Variants in TLN2 observed in about 807,000 individuals in gnomAD.
TLN2 encodes the protein talin-2.
A neutral mutation model predicts 294.7 loss-of-function variants in TLN2; 118 were observed. The observed-to-expected ratio is 0.40, with a 90% confidence interval of 0.34 to 0.47. The LOEUF is 0.47. Among genes scored for constraint, TLN2 ranks in the 20% least tolerant of loss-of-function variants. The pLI is 0.84. For missense variants in TLN2, 3,083 were observed against 3,282.2 expected, an observed-to-expected ratio of 0.94 and a Z score of 1.48; for synonymous variants, 1,431 against 1,304.5, an observed-to-expected ratio of 1.10 and a Z score of -2.09.
chr15:62,511,338 C>T (rs1237938578), intron 1 of TLN2, among the ~76,000 whole-genome samples: 1 of 152,210 alleles, frequency 6.6e-6, no homozygotes, highest in Non-Finnish European at 1.5e-5. Context: ...GAAAATTCAA[C>T]ACCTGTCCTC....
At chr15:62,535,557 T>A (rs1453920176) in intron 1 of TLN2, among the ~76,000 whole-genome samples, 1 of 55,862 alleles carries the variant, frequency 1.8e-5, no homozygotes, top group Non-Finnish European at 3.7e-5. Flanking sequence ...GATAACTTGA[T>A]TTTTTTTTTT....
chr15:62,651,137 G>C (rs2052538389), intron 5 of TLN2, among the ~76,000 whole-genome samples: 1 of 152,242 alleles, frequency 6.6e-6, no homozygotes, highest in Non-Finnish European at 1.5e-5. Context: ...AAAGATAATT[G>C]GAGACACACA....
chr15:62,456,871 G>C (rs754097637), intron 1 of TLN2, among the ~76,000 whole-genome samples: 6 of 152,154 alleles, frequency 3.9e-5, no homozygotes, highest in Non-Finnish European at 8.8e-5. Flanking sequence ...TGGCAGAAAA[G>C]GGGGGCGGTT....
chr15:62,518,123 C>A (rs2040274185), intron 1 of TLN2, among the ~76,000 whole-genome samples: 1 of 152,076 alleles, frequency 6.6e-6, no homozygotes. Flanking sequence ...ACTGCAACCT[C>A]CGCCTCCTGG....
At chr15:62,673,712 T>C (rs2055782444) in intron 9 of TLN2, 115 bp from the exon 10 acceptor site, 3 of 727,294 alleles carry the variant, frequency 4.1e-6, no homozygotes, top group East Asian at 2.6e-5. Flanking sequence ...TTAATTACTC[T>C]ATAAAATATT....
At chr15:62,693,259 G>C (rs1333661137) in intron 13 of TLN2, among the ~76,000 whole-genome samples, 1 of 152,182 alleles carries the variant, frequency 6.6e-6, no homozygotes, top group East Asian at 1.9e-4. Flanking sequence ...TTGAACCTGG[G>C]AGGCAGAGGT....
chr15:62,556,530 C>T (rs1238131301), intron 1 of TLN2, among the ~76,000 whole-genome samples: 2 of 151,816 alleles, frequency 1.3e-5, no homozygotes, highest in African/African-American at 4.8e-5. Context: ...CCAGGCTGGT[C>T]TCAAGAGATC....
chr15:62,470,208 T>C (rs1006211197), intron 1 of TLN2, among the ~76,000 whole-genome samples: 5 of 152,164 alleles, frequency 3.3e-5, no homozygotes, highest in Non-Finnish European at 5.9e-5. Context: ...ACACAGTCAG[T>C]GTTTCCAACC....
At chr15:62,812,882 A>T (rs965960920) in intron 52 of TLN2, among the ~76,000 whole-genome samples, 2 of 152,240 alleles carry the variant, frequency 1.3e-5, no homozygotes, top group Non-Finnish European at 2.9e-5. Flanking sequence ...TAGAAGGTCT[A>T]GGAACTTTCC....
chr15:62,553,865 C>A (rs1265421117), intron 1 of TLN2, among the ~76,000 whole-genome samples: 1 of 151,358 alleles, frequency 6.6e-6, no homozygotes, highest in Non-Finnish European at 1.5e-5. Flanking sequence ...TATAGTGATG[C>A]TTCTGTTTAA....
chr15:62,800,549 A>G, intron 49 of TLN2, 56 bp downstream of exon 49: 2 of 1,610,868 alleles, frequency 1.2e-6, no homozygotes, highest in South Asian at 2.2e-5. Flanking sequence ...CACTTAAAGG[A>G]AGGAGAGGCG....
intron 2 of TLN2, among the ~76,000 whole-genome samples, chr15:62,609,936 A>C (rs1326864658): frequency 6.6e-6 from 1 of 152,140 alleles, no homozygotes; most frequent in Non-Finnish European, 1.5e-5. Context: ...ATTGTTCTGG[A>C]TTTAGCCAGT....
chr15:62,793,583 C>CT (rs966772088), intron 46 of TLN2, among the ~76,000 whole-genome samples: 3 of 152,176 alleles, frequency 2.0e-5, no homozygotes, highest in African/African-American at 7.2e-5. Context: ...TTCCTCCAAA[C>CT]TTCTTTTTCC....
At chr15:62,617,125 A>G (rs933903099) in intron 2 of TLN2, among the ~76,000 whole-genome samples, 4 of 152,158 alleles carry the variant, frequency 2.6e-5, no homozygotes, top group African/African-American at 9.7e-5. Flanking sequence ...ACTGTCCGTT[A>G]AAAATCACAG....
At chr15:62,488,659 C>T (rs1043829724) in intron 1 of TLN2, among the ~76,000 whole-genome samples, 4 of 152,132 alleles carry the variant, frequency 2.6e-5, no homozygotes, top group Admixed American at 6.5e-5. Context: ...GAAACATAAA[C>T]GGAAAGCCTT....
rs747236046 is a variant in TLN2, at chr15:62,819,668, G to A, written c.6877+47G>A. The A allele has an allele frequency of 2.0e-6, 3 of 1,534,420 alleles. No homozygotes were observed. The South Asian group carries it at 3.4e-5, about 17-fold the overall frequency. ...TGGTGGAGGGCAACCCTCCCAGGCA[G>A]TGCTAATACAGCAGACTGAGCAGAG... is the stretch of plus-strand genomic sequence containing the variant. On this transcript the variant is annotated intron_variant, in intron 53 of 58. Coordinates refer to ENST00000636159, the MANE Select transcript of TLN2 (RefSeq NM_015059.3).
At chr15:62,800,539 CACTT>C in intron 49 of TLN2, 46 bp downstream of exon 49, 1 of 1,611,490 alleles carries the variant, frequency 6.2e-7, no homozygotes, top group South Asian at 1.1e-5. Flanking sequence ...GTTCTCTTCT[CACTT>C]AAAGGAAGGA....
At chr15:62,582,219 C>CACACACACACACATAT (rs56281146) in intron 1 of TLN2, among the ~76,000 whole-genome samples, 1 of 135,392 alleles carries the variant, frequency 7.4e-6, no homozygotes, top group East Asian at 2.4e-4. Context: ...CACACACACA[C>CACACACACACACATAT]ACACACACAC....
intron 1 of TLN2, among the ~76,000 whole-genome samples, chr15:62,429,172 G>A (rs1193425780): frequency 6.6e-6 from 1 of 151,862 alleles, no homozygotes; most frequent in African/African-American, 2.4e-5. Flanking sequence ...CTCAAGCGGG[G>A]TGCAGTGATC....
Sources: gnomAD v4.1 joint callset for allele counts (sites outside exome capture counted in the v4.1 genomes callset) on GRCh38, gnomAD v4.1.1 for gene constraint, MANE v1.5 for transcripts, NCBI Gene and HGNC (gene_info 2026-07-23, HGNC 2026-07-21) for gene names.